The following EYS variants were observed in gnomAD, a reference collection of about 807,000 sequenced individuals.
EYS encodes the protein EGF-like photoreceptor maintenance factor.
In EYS, 250 loss-of-function variants were observed where a neutral mutation model predicts 282.1. The ratio of observed to expected loss-of-function variants is 0.89; its 90% CI spans 0.80 to 0.98. The LOEUF is 0.98. EYS is among the 50% of genes least tolerant of loss of function. The pLI is 0.00. For synonymous variants in EYS, 1,355 were observed against 1,282.9 expected (o/e 1.06, Z -1.20); for missense variants, 4,016 against 3,709.0 (o/e 1.08, Z -2.15).
At chr6:65,664,539 T>C (rs1453441177) in intron 1 of EYS, among the ~76,000 whole-genome samples, 3 of 152,086 alleles carry the variant, frequency 2.0e-5, no homozygotes, top group African/African-American at 7.2e-5. Context: ...GAGGGAAATA[T>C]AATTTGATAG....
intron 12 of EYS, among the ~76,000 whole-genome samples, chr6:65,128,245 G>A (rs560967461): frequency 6.6e-6 from 1 of 152,004 alleles, no homozygotes; most frequent in Non-Finnish European, 1.5e-5. Flanking sequence ...TTAACAGAAA[G>A]GAGAAGTGAG....
At chr6:64,189,357 T>TG (rs1240200725) in intron 31 of EYS, among the ~76,000 whole-genome samples, 2 of 152,156 alleles carry the variant, frequency 1.3e-5, no homozygotes, top group African/African-American at 4.8e-5. Context: ...TTGGGATGTT[T>TG]GGGAAAAAAA....
chr6:64,548,374 A>C (rs529181635), intron 26 of EYS, among the ~76,000 whole-genome samples: 2 of 152,276 alleles, frequency 1.3e-5, no homozygotes, highest in South Asian at 4.2e-4. Context: ...AAGACACATG[A>C]AAACGTATGT....
intron 34 of EYS, among the ~76,000 whole-genome samples, chr6:63,987,047 G>T (rs927172879): frequency 2.6e-5 from 4 of 151,632 alleles, no homozygotes; most frequent in African/African-American, 9.7e-5. Flanking sequence ...ACCTTTATTT[G>T]ATCAATACAA....
intron 19 of EYS, among the ~76,000 whole-genome samples, chr6:64,832,443 G>C (rs1213239431): frequency 6.6e-6 from 1 of 151,816 alleles, no homozygotes; most frequent in Non-Finnish European, 1.5e-5. Context: ...GAGGCTAGGA[G>C]TGGGAGAAAA....
At chr6:64,868,043 A>G (rs1233612263) in intron 19 of EYS, among the ~76,000 whole-genome samples, 1 of 151,446 alleles carries the variant, frequency 6.6e-6, no homozygotes, top group African/African-American at 2.4e-5. Context: ...GAATACTCAT[A>G]AAATATATAA....
At chr6:64,927,313 A>C (rs1403309851) in intron 15 of EYS, among the ~76,000 whole-genome samples, 1 of 152,136 alleles carries the variant, frequency 6.6e-6, no homozygotes, top group Non-Finnish European at 1.5e-5. Context: ...GGAAATACCC[A>C]CAGATTATTG....
At chr6:65,113,487 G>A (rs1413967311) in intron 12 of EYS, among the ~76,000 whole-genome samples, 2 of 152,010 alleles carry the variant, frequency 1.3e-5, no homozygotes, top group East Asian at 3.9e-4. Flanking sequence ...TTTAAAACGA[G>A]GTAGTATGGA....
intron 31 of EYS, among the ~76,000 whole-genome samples, chr6:64,167,373 T>C (rs1764322422): frequency 1.3e-5 from 2 of 152,224 alleles, no homozygotes; most frequent in African/African-American, 2.4e-5. Flanking sequence ...TTTAAGTTCC[T>C]GAGAGTAAAA....
chr6:63,877,624 G>GT (rs143975769), intron 35 of EYS, among the ~76,000 whole-genome samples: 55,189 of 151,806 alleles, frequency 0.36, 10,461 homozygotes, highest in South Asian at 0.47. Flanking sequence ...ACGTAGATTT[G>GT]TTTTTTTTAC....
chr6:64,158,998 G>C (rs1047624411), intron 31 of EYS, among the ~76,000 whole-genome samples: 1 of 152,142 alleles, frequency 6.6e-6, no homozygotes, highest in Non-Finnish European at 1.5e-5. Context: ...TTCTTGTGTA[G>C]ATGGATTTAA....
At chr6:64,363,880 G>C (rs1281460493) in intron 29 of EYS, among the ~76,000 whole-genome samples, 2 of 151,778 alleles carry the variant, frequency 1.3e-5, no homozygotes, top group East Asian at 3.9e-4. Flanking sequence ...ACCAAAGGGA[G>C]GCAGAATAAG....
chr6:64,356,399 T>C (rs926133421), intron 29 of EYS, among the ~76,000 whole-genome samples: 4 of 151,642 alleles, frequency 2.6e-5, no homozygotes, highest in African/African-American at 9.7e-5. Context: ...AAATGCTACA[T>C]TGGTGTCCCA....
chr6:64,385,216 T>C (rs1175510259), intron 29 of EYS, among the ~76,000 whole-genome samples: 1 of 152,176 alleles, frequency 6.6e-6, no homozygotes, highest in Non-Finnish European at 1.5e-5. Flanking sequence ...TGATTCATCA[T>C]ACGAGTTCTC....
chr6:64,899,909 A>T (rs1032476361), intron 18 of EYS, among the ~76,000 whole-genome samples: 4 of 152,170 alleles, frequency 2.6e-5, no homozygotes, highest in African/African-American at 9.7e-5. Context: ...ACCAAAAAAG[A>T]GCCCATATAC....
intron 31 of EYS, among the ~76,000 whole-genome samples, chr6:64,166,399 A>G (rs767347553): frequency 3.9e-5 from 6 of 152,230 alleles, no homozygotes; most frequent in South Asian, 2.1e-4. Context: ...AGAAATGTCT[A>G]TGTCCCTCGC....
intron 26 of EYS, among the ~76,000 whole-genome samples, chr6:64,547,793 G>A (rs552557109): frequency 3.3e-5 from 5 of 152,214 alleles, no homozygotes; most frequent in South Asian, 2.1e-4. Flanking sequence ...TGGTCGGGGC[G>A]GCTCGGGCTG....
At chr6:64,654,927 C>A (rs1003253916) in intron 22 of EYS, among the ~76,000 whole-genome samples, 1 of 152,130 alleles carries the variant, frequency 6.6e-6, no homozygotes, top group Non-Finnish European at 1.5e-5. Context: ...CATCCCGGAC[C>A]ACAGGATGTC....
chr6:63,914,779 G>A (rs565969191), intron 35 of EYS, among the ~76,000 whole-genome samples: 8 of 151,694 alleles, frequency 5.3e-5, no homozygotes, highest in African/African-American at 1.9e-4. Flanking sequence ...TAGTGGTCTG[G>A]ATAGAAAAAC....
Sources: gnomAD v4.1 joint callset for allele counts (sites outside exome capture counted in the v4.1 genomes callset) on GRCh38, gnomAD v4.1.1 for gene constraint, MANE v1.5 for transcripts, NCBI Gene and HGNC (gene_info 2026-07-23, HGNC 2026-07-21) for gene names.